The following SOBP variants were observed in gnomAD, a reference collection of about 807,000 sequenced individuals.
SOBP encodes the protein sine oculis binding protein homolog.
SOBP carries 4 observed loss-of-function variants against 53.6 expected under a neutral mutation model. The observed-to-expected ratio is 0.07, with a 90% confidence interval of 0.04 to 0.17. The LOEUF (loss-of-function observed/expected upper bound fraction) is 0.17. Among genes scored for constraint, SOBP ranks in the 10% least tolerant of loss-of-function variants. The pLI is 1.00. For synonymous variants in SOBP, 584 were observed against 522.6 expected (o/e 1.12, Z -1.60); for missense variants, 1,088 against 1,204.7 (o/e 0.90, Z 1.43).
intron 4 of SOBP, among the ~76,000 whole-genome samples, chr6:107,543,349 C>T (rs1784205837): frequency 6.6e-6 from 1 of 152,190 alleles, no homozygotes. Context: ...TTCTTGTTGA[C>T]ATCCTCTGGA....
intron 1 of SOBP, among the ~76,000 whole-genome samples, chr6:107,501,023 G>T (rs1201170530): frequency 6.6e-6 from 1 of 151,868 alleles, no homozygotes; most frequent in African/African-American, 2.4e-5. Context: ...TTCTGCTTTT[G>T]TAGCAATATA....
intron 5 of SOBP, among the ~76,000 whole-genome samples, chr6:107,601,963 G>A (rs559624651): frequency 7.9e-4 from 120 of 152,328 alleles, no homozygotes; most frequent in African/African-American, 2.8e-3. Context: ...GTCCAGTGGT[G>A]TGTAATTGCA....
chr6:107,565,497 C>G (rs776751987), intron 4 of SOBP, among the ~76,000 whole-genome samples: 26 of 90,882 alleles, frequency 2.9e-4, no homozygotes, highest in South Asian at 4.2e-4. Context: ...GGGTGTGTGG[C>G]GGCTGGGGAG....
intron 4 of SOBP, among the ~76,000 whole-genome samples, chr6:107,544,372 G>A (rs940892240): frequency 1.3e-5 from 2 of 152,198 alleles, no homozygotes; most frequent in African/African-American, 4.8e-5. Context: ...AACTATGGGA[G>A]TTGCCGTGGC....
intron 5 of SOBP, among the ~76,000 whole-genome samples, chr6:107,628,099 A>T (rs1030929406): frequency 1.8e-4 from 28 of 152,248 alleles, no homozygotes; most frequent in Admixed American, 9.8e-4. Context: ...TGCATGGCAC[A>T]GTTTATGGCT....
At chr6:107,570,167 G>A (rs1475503707) in intron 4 of SOBP, among the ~76,000 whole-genome samples, 3 of 152,144 alleles carry the variant, frequency 2.0e-5, no homozygotes, top group Non-Finnish European at 2.9e-5. Context: ...ATTGTCCTTC[G>A]TCTCCTGCAA....
intron 5 of SOBP, among the ~76,000 whole-genome samples, chr6:107,591,968 G>GTTTTTTTTTTTTTTTTTTTTTT: frequency 1.1e-5 from 1 of 88,638 alleles, no homozygotes; most frequent in Non-Finnish European, 2.2e-5. Flanking sequence ...GTCTTTTGGT[G>GTTTTTTTTTTTTTTTTTTTTTT]TTTTTTTTTT....
At chr6:107,605,070 T>G (rs1267792021) in intron 5 of SOBP, among the ~76,000 whole-genome samples, 2 of 152,186 alleles carry the variant, frequency 1.3e-5, no homozygotes, top group African/African-American at 4.8e-5. Context: ...CCACTCTGCA[T>G]GTTCATCCCC....
In SOBP at chr6:107,552,151, C is replaced by T. The variant is rs115689963; in HGVS notation, c.573+18541C>T. ...AGGTTGGGGGCCTTCAATTTCTCACCGTTGGATGGATTCTCTTTGACCTTA... is the reference window on the plus strand; with the variant it reads ...AGGTTGGGGGCCTTCAATTTCTCACTGTTGGATGGATTCTCTTTGACCTTA... On this transcript the variant is annotated intron_variant, in intron 4 of 6. Coordinates refer to ENST00000317357, the MANE Select transcript of SOBP (RefSeq NM_018013.4). Among the ~76,000 whole-genome samples, 325 of 152,238 alleles carry T rather than the reference C, an allele frequency of 2.1e-3. 2 individuals are homozygous for T. Among genetic ancestry groups the T allele is most frequent in the African/African-American group, 7.6e-3 (316 of 41,528 alleles).
chr6:107,645,995 A>G (rs746713746), intron 6 of SOBP, among the ~76,000 whole-genome samples: 3 of 152,224 alleles, frequency 2.0e-5, no homozygotes, highest in Admixed American at 6.5e-5. Flanking sequence ...AGTTTGGGGA[A>G]TTTGTACTCA....
intron 4 of SOBP, among the ~76,000 whole-genome samples, chr6:107,583,102 A>G (rs1785455303): frequency 6.6e-6 from 1 of 152,248 alleles, no homozygotes; most frequent in African/African-American, 2.4e-5. Flanking sequence ...TTTAATATAT[A>G]AGAGGTTGTA....
At position 107,540,319 on chromosome 6, in the gene SOBP, C is replaced by G. The variant is rs1048398049; in HGVS notation, c.573+6709C>G. The stretch of plus-strand genomic sequence containing the variant: ...ACACATAAACAGAAGTGTGAACTGG[C>G]CAAGCCATATGTAATTCTTTGTTCC... On this transcript the variant is annotated intron_variant, in intron 4 of 6. Transcript: ENST00000317357. 3.3e-5 allele frequency among the ~76,000 whole-genome samples: 5 copies of G among 152,230 alleles called. 1 individual carries two copies. Among genetic ancestry groups the G allele is most frequent in the Admixed American group, 2.0e-4 (3 of 15,286 alleles).
intron 6 of SOBP, among the ~76,000 whole-genome samples, chr6:107,652,640 A>G (rs1349516742): frequency 1.3e-5 from 2 of 152,234 alleles, no homozygotes; most frequent in Non-Finnish European, 2.9e-5. Flanking sequence ...GTAAAATGTT[A>G]TCAAATAGCA....
intron 5 of SOBP, among the ~76,000 whole-genome samples, chr6:107,593,595 C>A (rs1785838000): frequency 6.6e-6 from 1 of 152,198 alleles, no homozygotes; most frequent in South Asian, 2.1e-4. Context: ...CTCTCCTGAG[C>A]CTCAGCGTCT....
In SOBP at chr6:107,490,644, C is replaced by T. The variant is rs757358901; in HGVS notation, c.28C>T (p.Pro10Ser). The T allele has an allele frequency of 5.6e-6, 9 of 1,607,738 alleles. No individual in the cohort carries two copies. The highest frequency in any genetic ancestry group is 1.1e-5 in the South Asian group (1 of 90,060). Residue 10 changes from proline (P) to serine (S), a missense_variant, in exon 1 of 7, where the codon CCT becomes TCT. By Grantham distance (74) the Pro-to-Ser change is moderately conservative. This residue lies in a region of SOBP where 37 missense variants were observed against 37.8 expected (regional missense o/e 0.98). Transcript: ENST00000317357. MAEMEKEGRPPENKRSRKPA... is the reference protein window; with the variant it reads MAEMEKEGRSPENKRSRKPA... Reference sequence around the variant, plus strand: ...GGCAGAAATGGAGAAAGAAGGGAGACCTCCCGAAAATAAACGGAGCAGGAA... The same window carrying T: ...GGCAGAAATGGAGAAAGAAGGGAGATCTCCCGAAAATAAACGGAGCAGGAA...
chr6:107,602,568 T>TAAAAA (rs71810335), intron 5 of SOBP, among the ~76,000 whole-genome samples: 2,261 of 102,654 alleles, frequency 0.022, 96 homozygotes, highest in African/African-American at 0.072. Context: ...TAAGCCGCGT[T>TAAAAA]AAAAAAAAAA....
chr6:107,641,992 G>A (rs543385534), intron 6 of SOBP, among the ~76,000 whole-genome samples: 1 of 152,326 alleles, frequency 6.6e-6, no homozygotes, highest in South Asian at 2.1e-4. Context: ...TAAGTGCATA[G>A]CACTTTCTAT....
At chr6:107,620,889 A>G (rs371436832) in intron 5 of SOBP, among the ~76,000 whole-genome samples, 1 of 152,154 alleles carries the variant, frequency 6.6e-6, no homozygotes, top group African/African-American at 2.4e-5. Context: ...GTCCAGTTGT[A>G]TGAAGGGTCA....
At chr6:107,586,936 C>T (rs1249839217) in intron 4 of SOBP, 144 bp from the exon 5 acceptor site, 9 of 723,712 alleles carry the variant, frequency 1.2e-5, no homozygotes, top group South Asian at 6.1e-5. Context: ...ACCTAAAAGG[C>T]GTACTGCGTA....
Sources: allele counts gnomAD v4.1 joint callset (sites outside exome capture counted in the v4.1 genomes callset), GRCh38; gene constraint gnomAD v4.1.1; regional missense constraint gnomAD v4.1.1; transcripts MANE v1.5; gene names NCBI Gene and HGNC (gene_info 2026-07-23, HGNC 2026-07-21).